Variants in LGR4 observed in about 807,000 individuals in gnomAD.
The protein encoded by LGR4 is leucine-rich repeat-containing G protein-coupled receptor 4.
In LGR4, 44 loss-of-function variants were observed where a neutral mutation model predicts 84.8. That is an observed-to-expected ratio of 0.52 (90% CI 0.41 to 0.67). The LOEUF is 0.67. LGR4 is among the 30% of genes least tolerant of loss of function. The pLI is 0.00. For missense variants in LGR4, 1,032 were observed against 1,131.4 expected (o/e 0.91, Z 1.26); for synonymous variants, 429 against 434.3 (o/e 0.99, Z 0.15).
chr11:27,469,794 G>A (rs1156679210), intron 1 of LGR4, among the ~76,000 whole-genome samples: 1 of 152,210 alleles, frequency 6.6e-6, no homozygotes, highest in Non-Finnish European at 1.5e-5. Flanking sequence ...ATGTGTAACT[G>A]TATCTCAGTA....
chr11:27,372,612 T>C (rs1017059433), intron 15 of LGR4, among the ~76,000 whole-genome samples: 17 of 152,222 alleles, frequency 1.1e-4, no homozygotes, highest in Admixed American at 2.0e-4. Flanking sequence ...TCTCCCTTTC[T>C]ATAAGATCTC....
chr11:27,367,838 A>G lies in LGR4; in HGVS notation c.*29T>C, dbSNP rs750268887. ...ACTCTATAAACACTGATTTTGGTTG[A>G]CGGGGGAAACGGTTACACACACAGT... On this transcript the variant is annotated 3_prime_UTR_variant, in exon 18 of 18. Transcript: ENST00000379214. 37 of 1,511,424 alleles carry G rather than the reference A, an allele frequency of 2.4e-5. No homozygotes were observed. Among genetic ancestry groups the G allele is most frequent in the Non-Finnish European group, 3.0e-5 (34 of 1,123,702 alleles). The allele number at this position is 1,511,424 out of a possible 1,614,324, so 93.6% of individuals were successfully genotyped here.
intron 17 of LGR4, 50 bp downstream of exon 17, chr11:27,371,565 C>T (rs1430823106): frequency 8.0e-7 from 1 of 1,255,088 alleles, no homozygotes; most frequent in African/African-American, 1.5e-5. Context: ...GATATATTTG[C>T]CTAATGTTTG....
intron 1 of LGR4, among the ~76,000 whole-genome samples, chr11:27,470,848 C>T (rs1864857567): frequency 6.6e-6 from 1 of 152,082 alleles, no homozygotes; most frequent in Non-Finnish European, 1.5e-5. Flanking sequence ...CACTAAAAGT[C>T]CATCCTGAGA....
chr11:27,408,735 C>G (rs1232017108), intron 2 of LGR4, among the ~76,000 whole-genome samples: 1 of 152,124 alleles, frequency 6.6e-6, no homozygotes, highest in Non-Finnish European at 1.5e-5. Context: ...TACCCCCAAG[C>G]AAAACCATCT....
At chr11:27,458,036 A>G (rs771179524) in intron 1 of LGR4, among the ~76,000 whole-genome samples, 2 of 152,184 alleles carry the variant, frequency 1.3e-5, no homozygotes, top group African/African-American at 4.8e-5. Context: ...GGGCTAAGGT[A>G]GGAGGACTGC....
chr11:27,403,214 T>C (rs1204559060), intron 2 of LGR4, among the ~76,000 whole-genome samples: 2 of 152,216 alleles, frequency 1.3e-5, no homozygotes, highest in African/African-American at 4.8e-5. Flanking sequence ...CTCATGCCTG[T>C]AGTCCCAATA....
intron 1 of LGR4, among the ~76,000 whole-genome samples, chr11:27,438,307 T>C (rs1205947110): frequency 6.6e-6 from 1 of 152,242 alleles, no homozygotes; most frequent in African/African-American, 2.4e-5. Flanking sequence ...CTAAGACATT[T>C]ATACTCTTCT....
intron 1 of LGR4, among the ~76,000 whole-genome samples, chr11:27,441,609 T>C (rs564709208): frequency 6.6e-6 from 1 of 152,294 alleles, no homozygotes; most frequent in South Asian, 2.1e-4. Flanking sequence ...TTAATGAGGC[T>C]GAAAAATTTG....
At chr11:27,425,352 AAC>A (rs1227833018) in intron 1 of LGR4, among the ~76,000 whole-genome samples, 1 of 144,212 alleles carries the variant, frequency 6.9e-6, no homozygotes, top group Admixed American at 6.8e-5. Context: ...TTTTTTTTGA[AAC>A]AGTCTCACTC....
intron 1 of LGR4, among the ~76,000 whole-genome samples, chr11:27,454,502 G>A (rs933291406): frequency 6.6e-6 from 1 of 152,202 alleles, no homozygotes; most frequent in African/African-American, 2.4e-5. Flanking sequence ...GCTCATGCCT[G>A]TAATCCCAGC....
intron 4 of LGR4, among the ~76,000 whole-genome samples, chr11:27,389,488 T>C (rs1228579021): frequency 6.6e-6 from 1 of 152,108 alleles, no homozygotes; most frequent in Non-Finnish European, 1.5e-5. Flanking sequence ...TACCAATAAA[T>C]GTCTCGTACT....
intron 1 of LGR4, 23 bp downstream of exon 1, chr11:27,472,095 G>T: frequency 2.5e-6 from 1 of 392,832 alleles, no homozygotes; most frequent in Non-Finnish European, 3.4e-6. Context: ...CCCCCCCCTC[G>T]CGTCCCCGCC....
At chr11:27,380,125 T>C (rs775612642) in intron 10 of LGR4, 146 bp downstream of exon 10, 41 of 517,012 alleles carry the variant, frequency 7.9e-5, no homozygotes, top group Non-Finnish European at 1.0e-4. Context: ...CCATACCCAA[T>C]ATATTCTTCT....
At chr11:27,370,138 T>TA (rs949605692) in intron 17 of LGR4, among the ~76,000 whole-genome samples, 83 of 152,318 alleles carry the variant, frequency 5.4e-4, no homozygotes, top group African/African-American at 1.9e-3. Flanking sequence ...TACAACTGTC[T>TA]AAAAAACATG....
rs1476182391 is a variant in LGR4, at chr11:27,377,206, T to C, written c.1061A>G (p.Asn354Ser). The change falls in exon 12 of 18, where the codon AAT (asparagine) becomes AGT (serine). Residue 354 changes from asparagine to serine, a missense_variant. By Grantham distance (46) the Asn-to-Ser change is conservative. Transcript: ENST00000379214. ...MLRTLDLSYN[N>S]IRDLPSFNGC... is the part of the protein sequence containing the mutation. ...ATTAAAACTTGGAAGGTCTCTTATATTATTGTAAGACAAGTCCCTTAAAAC... is the reference window on the plus strand; with the variant it reads ...ATTAAAACTTGGAAGGTCTCTTATACTATTGTAAGACAAGTCCCTTAAAAC... 6.4e-7 allele frequency: 1 copy of C among 1,566,340 alleles called. No homozygotes were observed. The highest frequency in any genetic ancestry group is 1.1e-5 in the South Asian group (1 of 88,862).
At chr11:27,468,251 G>A (rs1864815503) in intron 1 of LGR4, among the ~76,000 whole-genome samples, 1 of 152,154 alleles carries the variant, frequency 6.6e-6, no homozygotes, top group Admixed American at 6.5e-5. Flanking sequence ...TACATACACT[G>A]TGAAGGTTTG....
intron 1 of LGR4, among the ~76,000 whole-genome samples, chr11:27,414,532 A>G (rs1215673840): frequency 6.6e-6 from 1 of 152,168 alleles, no homozygotes; most frequent in East Asian, 1.9e-4. Context: ...ATAGAGACAT[A>G]CATGCACTCT....
intron 1 of LGR4, among the ~76,000 whole-genome samples, chr11:27,462,664 C>G (rs576272140): frequency 6.6e-6 from 1 of 152,032 alleles, no homozygotes; most frequent in African/African-American, 2.4e-5. Flanking sequence ...CTTAGTCACT[C>G]CCACAAGAAA....
Sources: allele counts gnomAD v4.1 joint callset (sites outside exome capture counted in the v4.1 genomes callset), GRCh38; gene constraint gnomAD v4.1.1; transcripts MANE v1.5; gene names NCBI Gene and HGNC (gene_info 2026-07-23, HGNC 2026-07-21).